The following CASTOR1 variants were observed in gnomAD, a reference collection of about 807,000 sequenced individuals.
CASTOR1 encodes the protein cytosolic arginine sensor for mTORC1 subunit 1.
In CASTOR1, 18 loss-of-function variants were observed where a neutral mutation model predicts 33.7. The ratio of observed to expected loss-of-function variants is 0.53; its 90% CI spans 0.37 to 0.79. The LOEUF is 0.79. CASTOR1 is among the 30% of genes least tolerant of loss of function. The pLI is 0.00. For synonymous variants in CASTOR1, 175 were observed against 190.6 expected (o/e 0.92, Z 0.67); for missense variants, 362 against 446.3 (o/e 0.81, Z 1.70).
In CASTOR1 at chr22:30,286,270, G is replaced by T. The variant is rs1200177907; in HGVS notation, c.736C>A (p.Gln246Lys). 3 of 1,611,706 alleles carry T rather than the reference G, an allele frequency of 1.9e-6. No individual in the cohort carries two copies. The highest frequency in any genetic ancestry group is 2.2e-5 in the South Asian group (2 of 91,014). Residue 246 changes from glutamine (Q) to lysine (K), a missense_variant, in exon 6 of 9, where the codon CAG (glutamine) becomes AAG (lysine). Physicochemically the swap from Gln to Lys is moderately conservative, Grantham distance 53. Coordinates refer to ENST00000407689, the MANE Select transcript of CASTOR1 (RefSeq NM_001037666.3). ...YISIVMDAET[Q>K]KKFPSDLLLT... ...GGGTCAGGGGTCACCTACTTTTTCT[G>T]TGTTTCAGCATCCATGACAATGGAG...
Position 30,289,423 on chromosome 22 carries a change from G to C in CASTOR1, c.75C>G (p.His25Gln). 2 of 1,600,916 alleles carry C rather than the reference G, an allele frequency of 1.2e-6. No individual in the cohort carries two copies. The highest frequency in any genetic ancestry group is 2.7e-5 in the African/African-American group (2 of 74,304). The change falls in exon 1 of 9, where the codon CAC becomes CAG. Residue 25 changes from histidine to glutamine, a missense_variant. By Grantham distance (24) the His-to-Gln change is conservative. Coordinates refer to ENST00000407689, the MANE Select transcript of CASTOR1 (RefSeq NM_001037666.3). Reference sequence around the variant, plus strand: ...GCAGGAAGAGCAGCTTGATGAGCGGGTGGGTGTAGAGCCAGAGACCGGGAC... The same window carrying C: ...GCAGGAAGAGCAGCTTGATGAGCGGCTGGGTGTAGAGCCAGAGACCGGGAC... ...VARPGLWLYT[H>Q]PLIKLLFLPR...
At position 30,286,093 on chromosome 22, in the gene CASTOR1, G is replaced by C; in HGVS notation, c.749C>G (p.Pro250Arg). 2.5e-6 allele frequency: 4 copies of C among 1,569,798 alleles called. No homozygotes were observed. The highest frequency in any genetic ancestry group is 3.5e-6 in the Non-Finnish European group (4 of 1,156,656). ...GGAGCTGGTCAGCAGGAGGTCACTG[G>C]GGAACCTGGGGAGGGAGATGGGTGA... ...VMDAETQKKF[P>R]SDLLLTSSSG... is the part of the protein sequence containing the mutation. Residue 250 changes from proline (P) to arginine (R), a missense_variant, in exon 7 of 9, where the codon CCC (proline) becomes CGC (arginine). Transcript: ENST00000407689.
rs1929811834 is a variant in CASTOR1 at position 30,287,572 on chromosome 22, G to A, written c.185-12C>T. ...AGATGGGGGCAGCTCTGTGGGCAGGGGACATGTCAGGTCAGGGTCTACAAG... is the reference window on the plus strand; with the variant it reads ...AGATGGGGGCAGCTCTGTGGGCAGGAGACATGTCAGGTCAGGGTCTACAAG... On this transcript the variant is annotated splice_polypyrimidine_tract_variant and intron_variant, in intron 2 of 8. Transcript: ENST00000407689. 3.7e-6 allele frequency: 6 copies of A among 1,601,678 alleles called. No individual in the cohort carries two copies. The highest frequency in any genetic ancestry group is 1.7e-5 in the Admixed American group (1 of 58,664).
chr22:30,287,044 C>T (rs761298090), intron 4 of CASTOR1, 96 bp from the exon 5 acceptor site: 3 of 1,553,314 alleles, frequency 1.9e-6, no homozygotes, highest in Non-Finnish European at 2.6e-6. Context: ...GCAGGTCTTG[C>T]TATCCAGGAA....
Position 30,285,933 on chromosome 22 carries a change from G to A in CASTOR1, c.827-7C>T, listed in dbSNP as rs756171722. On this transcript the variant is annotated splice_region_variant and splice_polypyrimidine_tract_variant and intron_variant, in intron 7 of 8. Transcript: ENST00000407689. The stretch of plus-strand genomic sequence containing the variant: ...GCCACGATGCCACATTCATCTGAGG[G>A]TGGTGGAGGAAGGCCACATGTGGCA... 6.3e-7 allele frequency: 1 copy of A among 1,599,214 alleles called. No homozygotes were observed. Among genetic ancestry groups the A allele is most frequent in the Admixed American group, 1.7e-5 (1 of 57,694 alleles).
Position 30,286,889 on chromosome 22 carries a change from G to C in CASTOR1, c.565C>G (p.Leu189Val), listed in dbSNP as rs778448281. 6 of 1,614,196 alleles carry C rather than the reference G, an allele frequency of 3.7e-6. No individual in the cohort carries two copies. The highest frequency in any genetic ancestry group is 5.1e-6 in the Non-Finnish European group (6 of 1,180,014). ...SPQNRFCVLTLDPETLPAIAT... is the reference protein window; with the variant it reads ...SPQNRFCVLTVDPETLPAIAT... ...ATGGCTGGAAGCGTCTCAGGGTCCA[G>C]TGTGAGGACACAGAAGCGGTTCTGT... Residue 189 changes from leucine to valine, a missense_variant, in exon 5 of 9, where the codon CTG (leucine) becomes GTG (valine). By Grantham distance (32) the Leu-to-Val change is conservative (BLOSUM62 1). Transcript: ENST00000407689.
intron 5 of CASTOR1, 154 bp downstream of exon 5, chr22:30,286,671 C>G (rs1210122528): frequency 5.0e-6 from 5 of 1,006,558 alleles, no homozygotes; most frequent in Non-Finnish European, 7.6e-6. Context: ...GAACCTTCCC[C>G]GAACATCAGT....
At position 30,285,839 on chromosome 22, in the gene CASTOR1, T is replaced by A. The variant is rs954554338; in HGVS notation, c.914A>T (p.His305Leu). The change falls in exon 8 of 9, where the codon CAC becomes CTC. Residue 305 changes from histidine (H) to leucine (L), a missense_variant. Transcript: ENST00000407689. Reference sequence around the variant, plus strand: ...CCAGCCCTTGGTGCTCACCAGGGCGTGGTCGAAGTTGAAGGTGCTGATGTA... The same window carrying A: ...CCAGCCCTTGGTGCTCACCAGGGCGAGGTCGAAGTTGAAGGTGCTGATGTA... ...AYYISTFNFD[H>L]ALVPEDGIGS... The A allele has an allele frequency of 8.7e-6, 4 of 458,858 alleles. No individual in the cohort carries two copies. The highest frequency in any genetic ancestry group is 2.4e-4 in the African/African-American group (2 of 8,478). 28.4% of individuals were successfully genotyped at this position (458,858 alleles called of 1,614,324 possible). A position where few individuals can be genotyped will look rare whatever the true frequency, so the allele number is the denominator to read the frequency against.
At position 30,288,768 on chromosome 22, in the gene CASTOR1, A is replaced by T; in HGVS notation, c.122T>A (p.Phe41Tyr). The T allele has an allele frequency of 1.2e-6, 2 of 1,611,330 alleles. No individual in the cohort carries two copies. Among genetic ancestry groups the T allele is most frequent in the Non-Finnish European group, 1.7e-6 (2 of 1,178,886 alleles). Reference sequence around the variant, plus strand: ...CTCAGGGGTCTCCGTCAGGCTGAAGAACTTGCACCTGGTTGGGGGTGGGGA... The same window carrying T: ...CTCAGGGGTCTCCGTCAGGCTGAAGTACTTGCACCTGGTTGGGGGTGGGGA... The part of the protein sequence containing the change: ...LFLPRRSRCK[F>Y]FSLTETPEDY... Residue 41 changes from phenylalanine to tyrosine, a missense_variant, in exon 2 of 9, where the codon TTC (phenylalanine) becomes TAC (tyrosine). Phe to Tyr is a conservative substitution (Grantham distance 22). Coordinates refer to ENST00000407689, the MANE Select transcript of CASTOR1 (RefSeq NM_001037666.3).
intron 2 of CASTOR1, 141 bp downstream of exon 2, chr22:30,288,565 G>T: frequency 1.5e-6 from 1 of 650,668 alleles, no homozygotes; most frequent in Non-Finnish European, 2.7e-6. Context: ...GCCAGGGAGT[G>T]GTGGAGTAGG....
chr22:30,287,880 A>T (rs1271304209), intron 2 of CASTOR1: 1 of 579,962 alleles, frequency 1.7e-6, no homozygotes, highest in Non-Finnish European at 3.2e-6. Context: ...ATGGGACGAC[A>T]ATATCTACCT....
chr22:30,287,676 G>C, intron 2 of CASTOR1, 116 bp from the exon 3 acceptor site: 1 of 1,008,254 alleles, frequency 9.9e-7, no homozygotes, highest in South Asian at 1.5e-5. Flanking sequence ...GGCAGGTCTG[G>C]AGGCTGGGGC....
chr22:30,289,174 C>A (rs1929866926), intron 1 of CASTOR1: 2 of 585,668 alleles, frequency 3.4e-6, no homozygotes, highest in Admixed American at 3.1e-5. Context: ...CCATCCCAGG[C>A]TGTTTGCGCT....
At chr22:30,288,538 T>A (rs1301413725) in intron 2 of CASTOR1, among the ~76,000 whole-genome samples, 168 bp downstream of exon 2, 1 of 151,864 alleles carries the variant, frequency 6.6e-6, no homozygotes, top group Non-Finnish European at 1.5e-5. Flanking sequence ...GGAAAGTGAT[T>A]TGCTCAAGGG....
rs749410812 is a variant in CASTOR1 at position 30,287,420 on chromosome 22, G to A, written c.325C>T (p.His109Tyr). 1.2e-6 allele frequency: 2 copies of A among 1,613,496 alleles called. No homozygotes were observed. Among genetic ancestry groups the A allele is most frequent in the Non-Finnish European group, 1.7e-6 (2 of 1,180,018 alleles). Residue 109 changes from histidine to tyrosine, a missense_variant, in exon 3 of 9, where the codon CAC becomes TAC. Physicochemically the swap from His to Tyr is moderately conservative, Grantham distance 83. Transcript: ENST00000407689. ...RSVIAPLAEH[H>Y]VSVLMLSTYQ... ...GTGGACAGCATCAGCACAGACACGTGGTGCTCGGCCAGTGGCGCGATGACC... is the reference window on the plus strand; with the variant it reads ...GTGGACAGCATCAGCACAGACACGTAGTGCTCGGCCAGTGGCGCGATGACC...
In CASTOR1 at chr22:30,286,092, G is replaced by T; in HGVS notation, c.750C>A (p.Pro250=). 6.4e-7 allele frequency: 1 copy of T among 1,569,496 alleles called. No homozygotes were observed. ...AGGAGCTGGTCAGCAGGAGGTCACT[G>T]GGGAACCTGGGGAGGGAGATGGGTG... ...VMDAETQKKF[P]SDLLLTSSSG... Residue 250 remains proline (P), a synonymous_variant, in exon 7 of 9, where the codon CCC becomes CCA. Transcript: ENST00000407689.
chr22:30,288,567 T>TG, intron 2 of CASTOR1, 139 bp downstream of exon 2: 1 of 655,452 alleles, frequency 1.5e-6, no homozygotes, highest in Admixed American at 2.9e-5. Context: ...CAGGGAGTGG[T>TG]GGAGTAGGAT....
At position 30,287,261 on chromosome 22, in the gene CASTOR1, C is replaced by T. The variant is rs1302941998; in HGVS notation, c.399G>A (p.Val133=). 2 of 1,576,828 alleles carry T rather than the reference C, an allele frequency of 1.3e-6. No individual in the cohort carries two copies. Among genetic ancestry groups the T allele is most frequent in the Non-Finnish European group, 1.7e-6 (2 of 1,158,058 alleles). The stretch of plus-strand genomic sequence containing the variant: ...CGAACTCCTGGGCCAGCGTGTGGAT[C>T]ACCACGGACAGGTCCTGCTCCCGCA... The part of the protein sequence containing the change: ...ILVREQDLSV[V]IHTLAQEFDI... The change falls in exon 4 of 9, where the codon GTG becomes GTA. Residue 133 remains valine (V), a synonymous_variant. Transcript: ENST00000407689.
chr22:30,288,164 T>A (rs1929832022), intron 2 of CASTOR1, among the ~76,000 whole-genome samples: 1 of 152,236 alleles, frequency 6.6e-6, no homozygotes, highest in African/African-American at 2.4e-5. Context: ...GGGCCCAGGC[T>A]GGCGTCCAGT....
Sources: gnomAD v4.1 joint callset for allele counts (sites outside exome capture counted in the v4.1 genomes callset) on GRCh38, gnomAD v4.1.1 for gene constraint, MANE v1.5 for transcripts, NCBI Gene and HGNC (gene_info 2026-07-23, HGNC 2026-07-21) for gene names.